The following APOC4 variants were observed in gnomAD, a reference collection of about 807,000 sequenced individuals.
APOC4 encodes apolipoprotein C4.
A neutral mutation model predicts 8.4 loss-of-function variants in APOC4; 10 were observed. The observed-to-expected ratio is 1.19, with a 90% confidence interval of 0.74 to 2.03. The LOEUF (loss-of-function observed/expected upper bound fraction) is 2.03, where lower values mean the gene tolerates loss of function less well. Among genes scored for constraint, APOC4 ranks in the 30% most tolerant of loss-of-function variants. APOC4 has a pLI of 0.00. For synonymous variants in APOC4, 59 were observed against 65.8 expected (o/e 0.90, Z 0.50); for missense variants, 160 against 156.1 (o/e 1.02, Z -0.13).
chr19:44,945,024 G>C, intron 2 of APOC4, 116 bp from the exon 3 acceptor site: 2 of 1,527,320 alleles, frequency 1.3e-6, no homozygotes, highest in South Asian at 1.3e-5. Context: ...TCTGGGAGGA[G>C]TGGAGGGTTA....
In APOC4 at chr19:44,944,856, G is replaced by C; in HGVS notation, c.184G>C (p.Val62Leu). The C allele has an allele frequency of 6.2e-7, 1 of 1,608,556 alleles. No individual in the cohort carries two copies. The highest frequency in any genetic ancestry group is 8.5e-7 in the Non-Finnish European group (1 of 1,178,112). ...GATGAAGGAGCTGCTGGAGACAGTG[G>C]TGAACAGGACCAGAGACGGGTGGCA... ...GRMKELLETV[V>L]NRTRDGWQWF... is the part of the protein sequence containing the mutation. The change falls in exon 2 of 3, where the codon GTG (valine) becomes CTG (leucine). Residue 62 changes from valine to leucine, a missense_variant. By Grantham distance (32) the Val-to-Leu change is conservative. Coordinates refer to ENST00000592954, the MANE Select transcript of APOC4 (RefSeq NM_001646.3).
At chr19:44,943,123 G>A (rs1025816337) in intron 1 of APOC4, among the ~76,000 whole-genome samples, 4 of 151,890 alleles carry the variant, frequency 2.6e-5, no homozygotes, top group African/African-American at 9.7e-5. Context: ...GGGTTTCGCC[G>A]TGTTAGCCAG....
Position 44,944,904 on chromosome 19 carries a change from G to GGGCTGGGTGGTGGGAGGGGAC in APOC4, c.218+15_218+35dup, listed in dbSNP as rs1482074486. 1 of 1,596,038 alleles carries GGGCTGGGTGGTGGGAGGGGAC rather than the reference G, an allele frequency of 6.3e-7. No homozygotes were observed. The highest frequency in any genetic ancestry group is 1.7e-4 in the Middle Eastern group (1 of 5,954). On this transcript the variant is annotated intron_variant, in intron 2 of 2. Transcript: ENST00000592954. ...GCAATGGTTCTGGTGAGGGTGTGCT[G>GGGCTGGGTGGTGGGAGGGGAC]GGCTGGGTGGTGGGAGGGGACTCCT...
rs5164 is a variant in APOC4, at chr19:44,944,813, G to A, written c.141G>A (p.Trp47Ter). 2.8e-4 allele frequency: 447 copies of A among 1,610,426 alleles called. 3 individuals are homozygous for A. The African/African-American group carries it at 5.5e-3, about 20-fold the overall frequency. The part of the protein sequence containing the change: ...SPPPKLKMSR[W>*]SLVRGRMKEL... ...CACCAAAGCTAAAGATGAGTCGCTG[G>A]AGCCTGGTGAGGGGCAGGATGAAGG... Residue 47 changes from tryptophan (W) to a stop codon, truncating the protein, a stop_gained, in exon 2 of 3, where the codon TGG becomes TGA. Transcript: ENST00000592954. LOFTEE classifies it high-confidence loss of function.
Position 44,945,297 on chromosome 19 carries a change from C to T in APOC4, c.376C>T (p.Gln126Ter), listed in dbSNP as rs542641865. 1 of 1,613,224 alleles carries T rather than the reference C, an allele frequency of 6.2e-7. No individual in the cohort carries two copies. Among genetic ancestry groups the T allele is most frequent in the East Asian group, 2.2e-5 (1 of 44,862 alleles). Residue 126 changes from glutamine (Q) to a stop codon, truncating the protein, a stop_gained, in exon 3 of 3, where the codon CAG (glutamine) becomes TAG (stop). Transcript: ENST00000592954. LOFTEE classifies it high-confidence loss of function. ...CAGGCTTGTCTGTGGGGACAAGGAC[C>T]AGGGTTAAAATGTTCATAAAAGCCA... ...CPRLVCGDKD[Q>*]G
chr19:44,943,047 G>A (rs1327359829), intron 1 of APOC4, among the ~76,000 whole-genome samples: 3 of 151,914 alleles, frequency 2.0e-5, no homozygotes, highest in Non-Finnish European at 4.4e-5. Context: ...TCAGCCTCCC[G>A]AGTAGCTGGG....
rs764998450 is a variant in APOC4, at chr19:44,945,183, G to A, written c.262G>A (p.Asp88Asn). 5.6e-6 allele frequency: 9 copies of A among 1,614,042 alleles called. No individual in the cohort carries two copies. In the East Asian group the frequency reaches 6.7e-5, roughly 12 times the overall value. Reference protein sequence around the residue: ...FRGFMQTYYDDHLRDLGPLTK... With the variant: ...FRGFMQTYYDNHLRDLGPLTK... ...GGGCTTCATGCAGACCTACTATGAC[G>A]ACCACCTGAGGGACCTGGGTCCGCT... The change falls in exon 3 of 3, where the codon GAC becomes AAC. Residue 88 changes from aspartate (D) to asparagine (N), a missense_variant. Physicochemically the swap from Asp to Asn is conservative, Grantham distance 23. Coordinates refer to ENST00000592954, the MANE Select transcript of APOC4 (RefSeq NM_001646.3).
chr19:44,944,913 G>C, intron 2 of APOC4, 23 bp downstream of exon 2: 1 of 1,589,766 alleles, frequency 6.3e-7, no homozygotes, highest in Non-Finnish European at 8.6e-7. Flanking sequence ...TGGGCTGGGT[G>C]GTGGGAGGGG....
intron 1 of APOC4, among the ~76,000 whole-genome samples, chr19:44,943,073 C>G (rs889647192): frequency 3.9e-5 from 6 of 152,146 alleles, no homozygotes; most frequent in African/African-American, 1.4e-4. Flanking sequence ...AGGAGCCCAC[C>G]ACCACGCCTG....
Position 44,942,269 on chromosome 19 carries a change from C to A in APOC4, c.-9C>A. On this transcript the variant is annotated 5_prime_UTR_variant, in exon 1 of 3. Transcript: ENST00000592954. ...AGCACAGAGGGACAGAGGCACGGAA[C>A]CCCCAGAAATGTCCCTCCTCAGAAA... 6.2e-7 allele frequency: 1 copy of A among 1,607,746 alleles called. No individual in the cohort carries two copies. Among genetic ancestry groups the A allele is most frequent in the African/African-American group, 1.3e-5 (1 of 74,908 alleles).
Position 44,942,287 on chromosome 19 carries a change from C to T in APOC4, c.10C>T (p.Leu4Phe), listed in dbSNP as rs549092357. The T allele has an allele frequency of 3.1e-6, 5 of 1,612,264 alleles. No individual in the cohort carries two copies. Among genetic ancestry groups the T allele is most frequent in the African/African-American group, 2.7e-5 (2 of 75,032 alleles). The part of the protein sequence containing the change: MSL[L>F]RNRLQALPAL... ...CACGGAACCCCCAGAAATGTCCCTCCTCAGAAACAGGCTCCAGGCCCTGCC... is the reference window on the plus strand; with the variant it reads ...CACGGAACCCCCAGAAATGTCCCTCTTCAGAAACAGGCTCCAGGCCCTGCC... The change falls in exon 1 of 3, where the codon CTC (leucine) becomes TTC (phenylalanine). Residue 4 changes from leucine to phenylalanine, a missense_variant. Transcript: ENST00000592954.
chr19:44,943,599 C>T (rs1308529342), intron 1 of APOC4, among the ~76,000 whole-genome samples: 8 of 151,722 alleles, frequency 5.3e-5, no homozygotes, highest in African/African-American at 1.5e-4. Flanking sequence ...TGGTGGCATG[C>T]GCCTGTAGTC....
In APOC4 at chr19:44,945,418, C is replaced by T. The variant is rs2122203697; in HGVS notation, c.*113C>T. 1 of 1,048,584 alleles carries T rather than the reference C, an allele frequency of 9.5e-7. No homozygotes were observed. Among genetic ancestry groups the T allele is most frequent in the East Asian group, 2.5e-5 (1 of 40,078 alleles). The allele number at this position is 1,048,584 out of a possible 1,614,324, so 65.0% of individuals were successfully genotyped here. ...AGGAGTTCGAGACCAGCCTGGGCAA[C>T]ACAGCGAGATCTCTTGGGGGTAAAA... On this transcript the variant is annotated 3_prime_UTR_variant, in exon 3 of 3. Coordinates refer to ENST00000592954, the MANE Select transcript of APOC4 (RefSeq NM_001646.3).
chr19:44,944,869 G>A lies in APOC4; in HGVS notation c.197G>A (p.Arg66Lys). The A allele has an allele frequency of 6.2e-7, 1 of 1,607,220 alleles. No homozygotes were observed. Among genetic ancestry groups the A allele is most frequent in the Non-Finnish European group, 8.5e-7 (1 of 1,177,616 alleles). ...CTGGAGACAGTGGTGAACAGGACCA[G>A]AGACGGGTGGCAATGGTTCTGGTGA... The part of the protein sequence containing the change: ...ELLETVVNRT[R>K]DGWQWFWSPS... The change falls in exon 2 of 3, where the codon AGA becomes AAA. Residue 66 changes from arginine (R) to lysine (K), a missense_variant. Physicochemically the swap from Arg to Lys is conservative, Grantham distance 26. Transcript: ENST00000592954.
Position 44,945,439 on chromosome 19 carries a change from TA to T in APOC4, c.*138del, listed in dbSNP as rs988071285. The T allele has an allele frequency of 2.4e-6, 2 of 835,592 alleles. No individual in the cohort carries two copies. The highest frequency in any genetic ancestry group is 1.8e-5 in the African/African-American group (1 of 54,308). 51.8% of individuals were successfully genotyped at this position (835,592 alleles called of 1,614,324 possible). A position where few individuals can be genotyped will look rare whatever the true frequency, so the allele number is the denominator to read the frequency against. Reference sequence around the variant, plus strand: ...GCAACACAGCGAGATCTCTTGGGGGTAAAACAAAAAGAAAAAAAAAAGTTCA... The same window carrying T: ...GCAACACAGCGAGATCTCTTGGGGGTAAACAAAAAGAAAAAAAAAAGTTCA... On this transcript the variant is annotated 3_prime_UTR_variant, in exon 3 of 3. Coordinates refer to ENST00000592954, the MANE Select transcript of APOC4 (RefSeq NM_001646.3).
chr19:44,942,389 A>C (rs746411323), intron 1 of APOC4, 36 bp downstream of exon 1: 3 of 1,604,042 alleles, frequency 1.9e-6, no homozygotes, highest in East Asian at 4.5e-5. Flanking sequence ...TGGGGCCCAC[A>C]CCTGGTGGGT....
At chr19:44,942,428 T>A in intron 1 of APOC4, 75 bp downstream of exon 1, 3 of 1,423,428 alleles carry the variant, frequency 2.1e-6, no homozygotes, top group Non-Finnish European at 2.9e-6. Context: ...CCTGTGGCTC[T>A]GTAGCCACGT....
intron 1 of APOC4, among the ~76,000 whole-genome samples, chr19:44,943,220 C>G (rs1970279457): frequency 6.6e-6 from 1 of 152,000 alleles, no homozygotes. Context: ...TGCGCCTGGC[C>G]AATGCCTGGC....
At chr19:44,944,422 G>A (rs1225791221) in intron 1 of APOC4, among the ~76,000 whole-genome samples, 2 of 152,050 alleles carry the variant, frequency 1.3e-5, no homozygotes, top group African/African-American at 2.4e-5. Context: ...TGCTACTCGG[G>A]AGGCTGAGGC....
Sources: gnomAD v4.1 joint callset for allele counts (sites outside exome capture counted in the v4.1 genomes callset) on GRCh38, gnomAD v4.1.1 for gene constraint, MANE v1.5 for transcripts, NCBI Gene and HGNC (gene_info 2026-07-23, HGNC 2026-07-21) for gene names.